Variants in TCF12 observed in about 807,000 individuals in gnomAD.
The protein encoded by TCF12 is transcription factor 12, also known as DNA-binding protein HTF4.
In TCF12, 45 loss-of-function variants were observed where a neutral mutation model predicts 86.0. The observed-to-expected ratio is 0.52, with a 90% confidence interval of 0.41 to 0.67. The LOEUF (loss-of-function observed/expected upper bound fraction) is 0.67. Ranked by LOEUF, TCF12 falls within the 30% of genes least tolerant of loss-of-function variation. TCF12 has a pLI of 0.00. For missense variants in TCF12, 881 were observed against 859.9 expected (o/e 1.02, Z -0.31); for synonymous variants, 330 against 299.6 (o/e 1.10, Z -1.05).
intron 3 of TCF12, among the ~76,000 whole-genome samples, chr15:56,948,349 C>T (rs2061106942): frequency 6.6e-6 from 1 of 152,064 alleles, no homozygotes; most frequent in African/African-American, 2.4e-5. Flanking sequence ...ACAGAAAAGC[C>T]TGCATAAGGT....
chr15:57,164,593 T>C (rs1243280938), intron 5 of TCF12, among the ~76,000 whole-genome samples: 2 of 152,174 alleles, frequency 1.3e-5, no homozygotes, highest in Middle Eastern at 3.2e-3. Flanking sequence ...CATGTCGGGA[T>C]TATGGGATCT....
Position 56,919,903 on chromosome 15 carries a change from A to G in TCF12, c.-11A>G, listed in dbSNP as rs2059702055. On this transcript the variant is annotated 5_prime_UTR_variant, in exon 2 of 21. Coordinates refer to ENST00000333725, the MANE Select transcript of TCF12 (RefSeq NM_207037.2). Reference sequence around the variant, plus strand: ...TTCCTCTGCCCTAGGACCTGCTAGAAGTGGCCGAAGATGAATCCCCAGCAA... The same window carrying G: ...TTCCTCTGCCCTAGGACCTGCTAGAGGTGGCCGAAGATGAATCCCCAGCAA... 1.9e-6 allele frequency: 3 copies of G among 1,613,894 alleles called. No individual in the cohort carries two copies. In the South Asian group the frequency reaches 3.3e-5, roughly 18 times the overall value.
intron 3 of TCF12, among the ~76,000 whole-genome samples, chr15:56,948,156 C>G (rs1445256944): frequency 6.6e-6 from 1 of 151,502 alleles, no homozygotes; most frequent in Non-Finnish European, 1.5e-5. Flanking sequence ...GGATCTCACT[C>G]TGTTGCCCAG....
intron 3 of TCF12, among the ~76,000 whole-genome samples, chr15:56,995,425 G>C (rs1220394509): frequency 6.6e-6 from 1 of 151,602 alleles, no homozygotes; most frequent in Non-Finnish European, 1.5e-5. Flanking sequence ...TAATGATGTT[G>C]ATTCTTGTAA....
chr15:57,078,599 A>G (rs1425686136), intron 4 of TCF12, among the ~76,000 whole-genome samples: 1 of 152,094 alleles, frequency 6.6e-6, no homozygotes, highest in African/African-American at 2.4e-5. Flanking sequence ...ATACATATGC[A>G]TTATCACACT....
At chr15:57,197,499 A>G (rs1469074163) in intron 7 of TCF12, among the ~76,000 whole-genome samples, 2 of 152,040 alleles carry the variant, frequency 1.3e-5, no homozygotes, top group Admixed American at 6.6e-5. Context: ...CCCTCATACT[A>G]GTTTGTTGTT....
chr15:56,977,519 A>G (rs2062671311), intron 3 of TCF12, among the ~76,000 whole-genome samples: 1 of 151,972 alleles, frequency 6.6e-6, no homozygotes, highest in Non-Finnish European at 1.5e-5. Context: ...GGAATTAGAA[A>G]ACAGTTAATT....
In TCF12 at chr15:57,266,086, ATTATTTATTTATTTATTTAT is replaced by A. The variant is rs60211131; in HGVS notation, c.1745+2836_1745+2855del. On this transcript the variant is annotated intron_variant, in intron 18 of 20. Coordinates refer to ENST00000333725, the MANE Select transcript of TCF12 (RefSeq NM_207037.2). ...ACTGCCTATTTTTGTTTTTGTTTTT[ATTATTTATTTATTTATTTAT>A]TTATTTATTTATTTATTTATTTAAA... Among the ~76,000 whole-genome samples, 999 of 110,260 alleles carry A rather than the reference ATTATTTATTTATTTATTTAT, an allele frequency of 9.1e-3. 30 individuals are homozygous for A. The highest frequency in any genetic ancestry group is 0.068 in the Admixed American group (832 of 12,274). 72.3% of individuals were successfully genotyped at this position (110,260 alleles called of 152,430 possible).
At chr15:57,215,612 G>T (rs575168646) in intron 8 of TCF12, among the ~76,000 whole-genome samples, 70 of 152,216 alleles carry the variant, frequency 4.6e-4, no homozygotes, top group African/African-American at 1.7e-3. Context: ...TGGCTTTTGG[G>T]ACAGTGGAAT....
chr15:57,218,509 T>C (rs1164271383), intron 8 of TCF12, among the ~76,000 whole-genome samples: 1 of 152,214 alleles, frequency 6.6e-6, no homozygotes, highest in African/African-American at 2.4e-5. Flanking sequence ...TTCCCACACT[T>C]CTTATTTTTC....
At chr15:57,204,787 A>G (rs532051559) in intron 8 of TCF12, among the ~76,000 whole-genome samples, 45 of 152,222 alleles carry the variant, frequency 3.0e-4, no homozygotes, top group Admixed American at 2.7e-3. Flanking sequence ...GAAAGAGATG[A>G]CAAACAGAAC....
At chr15:57,037,091 G>T (rs1317797294) in intron 3 of TCF12, among the ~76,000 whole-genome samples, 1 of 152,142 alleles carries the variant, frequency 6.6e-6, no homozygotes, top group African/African-American at 2.4e-5. Flanking sequence ...TTGTTGTGAG[G>T]TGATAAAATC....
chr15:56,922,910 C>T (rs1375285788), intron 3 of TCF12, among the ~76,000 whole-genome samples: 9 of 151,628 alleles, frequency 5.9e-5, no homozygotes, highest in Non-Finnish European at 1.2e-4. Context: ...CATTATTTTA[C>T]TTATATATTT....
At chr15:57,177,769 G>A (rs976304339) in intron 6 of TCF12, among the ~76,000 whole-genome samples, 18 of 151,684 alleles carry the variant, frequency 1.2e-4, no homozygotes, top group African/African-American at 3.4e-4. Context: ...CACCCAGGGC[G>A]GAGTGCAGTG....
At chr15:57,255,303 A>G (rs1259372181) in intron 16 of TCF12, among the ~76,000 whole-genome samples, 2 of 152,216 alleles carry the variant, frequency 1.3e-5, no homozygotes, top group Admixed American at 6.5e-5. Flanking sequence ...GTAGTCCTCC[A>G]AAGCCACCTA....
intron 3 of TCF12, among the ~76,000 whole-genome samples, chr15:57,053,200 C>G (rs1347298627): frequency 6.6e-6 from 1 of 152,100 alleles, no homozygotes; most frequent in East Asian, 1.9e-4. Flanking sequence ...GATTTTGATT[C>G]ATATTTTCCT....
At chr15:57,136,956 CAG>C in intron 5 of TCF12, among the ~76,000 whole-genome samples, 1 of 116,308 alleles carries the variant, frequency 8.6e-6, no homozygotes, top group Non-Finnish European at 1.7e-5. Flanking sequence ...CTGCTTCTGG[CAG>C]TTTTTTTTTT....
intron 5 of TCF12, among the ~76,000 whole-genome samples, chr15:57,142,296 C>T (rs1371026906): frequency 1.2e-4 from 6 of 51,858 alleles, no homozygotes; most frequent in African/African-American, 3.0e-4. Flanking sequence ...AGTATTTACT[C>T]ACACTTTTAT....
intron 3 of TCF12, among the ~76,000 whole-genome samples, chr15:56,972,034 T>C (rs2062360891): frequency 6.6e-6 from 1 of 152,212 alleles, no homozygotes; most frequent in Non-Finnish European, 1.5e-5. Flanking sequence ...CTAAAAACCA[T>C]TGAATTGTGT....
Sources: allele counts gnomAD v4.1 joint callset (sites outside exome capture counted in the v4.1 genomes callset), GRCh38; gene constraint gnomAD v4.1.1; transcripts MANE v1.5; gene names NCBI Gene and HGNC (gene_info 2026-07-23, HGNC 2026-07-21).